SSH2: variants seen among roughly 807,000 people sequenced by gnomAD.
SSH2 encodes the protein slingshot protein phosphatase 2, also known as protein phosphatase Slingshot homolog 2.
A neutral mutation model predicts 135.2 loss-of-function variants in SSH2; 37 were observed. The ratio of observed to expected loss-of-function variants is 0.27; its 90% CI spans 0.21 to 0.36. SSH2 has a LOEUF of 0.36. Ranked by LOEUF, SSH2 falls within the 10% of genes least tolerant of loss-of-function variation. SSH2 has a pLI of 1.00. For missense variants in SSH2, 1,408 were observed against 1,765.3 expected (o/e 0.80, Z 3.63); for synonymous variants, 628 against 646.2 (o/e 0.97, Z 0.43).
At chr17:29,785,332 T>C (rs547944209) in intron 3 of SSH2, among the ~76,000 whole-genome samples, 1 of 152,046 alleles carries the variant, frequency 6.6e-6, no homozygotes, top group Non-Finnish European at 1.5e-5. Context: ...TTGTTTCCTA[T>C]CATAACTATT....
intron 7 of SSH2, among the ~76,000 whole-genome samples, chr17:29,677,255 C>T (rs1440363273): frequency 4.3e-5 from 4 of 92,838 alleles, no homozygotes; most frequent in African/African-American, 1.7e-4. Context: ...GGGACACATT[C>T]TAAAAACATT....
chr17:29,906,675 C>A (rs1346955099), intron 1 of SSH2, among the ~76,000 whole-genome samples: 1 of 152,008 alleles, frequency 6.6e-6, no homozygotes. Flanking sequence ...AGAAAACAAA[C>A]AAACAACCCC....
At chr17:29,762,984 C>T (rs951603525) in intron 3 of SSH2, among the ~76,000 whole-genome samples, 5 of 152,132 alleles carry the variant, frequency 3.3e-5, no homozygotes, top group African/African-American at 1.2e-4. Context: ...CTTTAAGACT[C>T]AACATGCTAT....
At chr17:29,921,240 G>C (rs932771327) in intron 1 of SSH2, among the ~76,000 whole-genome samples, 1 of 152,108 alleles carries the variant, frequency 6.6e-6, no homozygotes, top group African/African-American at 2.4e-5. Context: ...CAATGCTTAC[G>C]CCACAGGAGT....
At position 29,667,003 on chromosome 17, in the gene SSH2, A is replaced by G. The variant is rs761155456; in HGVS notation, c.904-8T>C. ...TTCCAACTCTGTTCTTATCTGAAAC[A>G]AAGATGATATATTGGACCCATCTCT... On this transcript the variant is annotated splice_polypyrimidine_tract_variant and splice_region_variant and intron_variant, in intron 10 of 15. Coordinates refer to ENST00000540801, the MANE Select transcript of SSH2 (RefSeq NM_001282129.2). 1 of 1,614,132 alleles carries G rather than the reference A, an allele frequency of 6.2e-7. No homozygotes were observed. The highest frequency in any genetic ancestry group is 1.1e-5 in the South Asian group (1 of 91,076).
At chr17:29,676,754 T>G (rs2037738185) in intron 8 of SSH2, 66 bp downstream of exon 8, 2 of 1,326,230 alleles carry the variant, frequency 1.5e-6, no homozygotes, top group Non-Finnish European at 2.2e-6. Flanking sequence ...ATTTCAAACA[T>G]TTCTTACAAA....
intron 1 of SSH2, among the ~76,000 whole-genome samples, chr17:29,874,717 C>A (rs1340082412): frequency 1.3e-5 from 2 of 152,050 alleles, no homozygotes; most frequent in Admixed American, 6.6e-5. Context: ...TTGGGTATGA[C>A]CTTATAGCAG....
chr17:29,641,866 G>A (rs2036176514), intron 14 of SSH2, among the ~76,000 whole-genome samples: 1 of 151,648 alleles, frequency 6.6e-6, no homozygotes. Flanking sequence ...CTACTCAGGA[G>A]GCTAAAGCAT....
intron 1 of SSH2, among the ~76,000 whole-genome samples, chr17:29,923,981 T>C (rs1427889024): frequency 1.3e-5 from 2 of 152,216 alleles, no homozygotes; most frequent in Admixed American, 6.5e-5. Flanking sequence ...ACATCTGTGA[T>C]AGACACCAAA....
rs983067481 is a variant in SSH2 at position 29,787,119 on chromosome 17, C to T, written c.188+6775G>A. Among the ~76,000 whole-genome samples the T allele has an allele frequency of 5.3e-5, 8 of 152,264 alleles. 1 individual carries two copies. The highest frequency in any genetic ancestry group is 4.8e-5 in the African/African-American group (2 of 41,554). The stretch of plus-strand genomic sequence containing the variant: ...TTTTCATCTTCCAAAACTGAAGCTC[C>T]GTACCCACTAGGCAATAACTTCCCA... On this transcript the variant is annotated intron_variant, in intron 3 of 15. Coordinates refer to ENST00000540801, the MANE Select transcript of SSH2 (RefSeq NM_001282129.2).
At chr17:29,896,922 G>T (rs888172656) in intron 1 of SSH2, among the ~76,000 whole-genome samples, 2 of 151,800 alleles carry the variant, frequency 1.3e-5, no homozygotes, top group South Asian at 2.1e-4. Flanking sequence ...ACTAAGGGGG[G>T]TACGAAAATG....
chr17:29,709,015 T>TATATAGAGAGAG (rs780981175), intron 3 of SSH2, among the ~76,000 whole-genome samples: 1,025 of 81,576 alleles, frequency 0.013, 26 homozygotes, highest in Non-Finnish European at 0.02. Flanking sequence ...TATATATATA[T>TATATAGAGAGAG]AGAGAGAGAG....
At chr17:29,725,569 T>C (rs1033832810) in intron 3 of SSH2, among the ~76,000 whole-genome samples, 4 of 152,034 alleles carry the variant, frequency 2.6e-5, no homozygotes, top group Admixed American at 2.0e-4. Context: ...TATGCAGCCA[T>C]AAAAAAGAAT....
intron 2 of SSH2, among the ~76,000 whole-genome samples, chr17:29,822,346 C>T (rs1327058764): frequency 6.6e-6 from 1 of 151,880 alleles, no homozygotes; most frequent in African/African-American, 2.4e-5. Context: ...AAAAAAACTT[C>T]GTATGAGCCA....
At chr17:29,806,853 T>G (rs1567985814) in intron 2 of SSH2, among the ~76,000 whole-genome samples, 1 of 152,234 alleles carries the variant, frequency 6.6e-6, no homozygotes, top group Non-Finnish European at 1.5e-5. Flanking sequence ...ATGCCTCTTT[T>G]GCCCATATAT....
At chr17:29,638,207 T>C (rs2035995297) in intron 14 of SSH2, among the ~76,000 whole-genome samples, 2 of 151,400 alleles carry the variant, frequency 1.3e-5, no homozygotes, top group Non-Finnish European at 2.9e-5. Flanking sequence ...AAAAAGGATT[T>C]ACATTATAAT....
chr17:29,750,795 C>A (rs1366527963), intron 3 of SSH2, among the ~76,000 whole-genome samples: 2 of 150,016 alleles, frequency 1.3e-5, no homozygotes, highest in African/African-American at 4.9e-5. Flanking sequence ...GCGGGCAGAT[C>A]ACCAGGTCAA....
Position 29,908,693 on chromosome 17 carries a change from G to A in SSH2, c.63+21245C>T, listed in dbSNP as rs375092140. The stretch of plus-strand genomic sequence containing the variant: ...GCAGGAGAACTGCTTGAACCTGGGA[G>A]GCGGAGGTTGCAGTGAGCTGAAATC... On this transcript the variant is annotated intron_variant, in intron 1 of 15. Transcript: ENST00000540801. Among the ~76,000 whole-genome samples, 3 of 150,134 alleles carry A rather than the reference G, an allele frequency of 2.0e-5. No homozygotes were observed. In the East Asian group the frequency reaches 5.9e-4, roughly 29 times the overall value.
Position 29,636,360 on chromosome 17 carries a change from A to G in SSH2, c.1870T>C (p.Leu624=). ...NKFPDLTVED[L]ETDALKADMN... is the part of the protein sequence containing the mutation. ...TCTGCTTTCAGTGCATCTGTCTCCA[A>G]ATCTTCCACTGTTAAGTCTGGAAAC... is the stretch of plus-strand genomic sequence containing the variant. The change falls in exon 15 of 16, where the codon TTG becomes CTG. Residue 624 remains leucine, a synonymous_variant. Transcript: ENST00000540801. 2 of 1,614,140 alleles carry G rather than the reference A, an allele frequency of 1.2e-6. No homozygotes were observed. The highest frequency in any genetic ancestry group is 1.7e-6 in the Non-Finnish European group (2 of 1,180,032).
Sources: allele counts gnomAD v4.1 joint callset (sites outside exome capture counted in the v4.1 genomes callset), GRCh38; gene constraint gnomAD v4.1.1; transcripts MANE v1.5; gene names NCBI Gene and HGNC (gene_info 2026-07-23, HGNC 2026-07-21).